Variants in VPS13B observed in about 807,000 individuals in gnomAD.
VPS13B encodes the protein intermembrane lipid transfer protein VPS13B.
In VPS13B, 285 loss-of-function variants were observed where a neutral mutation model predicts 426.4. The observed-to-expected ratio is 0.67, with a 90% confidence interval of 0.61 to 0.74. The LOEUF (loss-of-function observed/expected upper bound fraction) is 0.74, where lower values mean the gene tolerates loss of function less well. Among genes scored for constraint, VPS13B ranks in the 30% least tolerant of loss-of-function variants. VPS13B has a pLI of 0.00. For synonymous variants in VPS13B, 1,676 were observed against 1,676.4 expected, an observed-to-expected ratio of 1.00 and a Z score of 0.01; for missense variants, 4,537 against 4,782.6, an observed-to-expected ratio of 0.95 and a Z score of 1.51.
At chr8:99,537,967 C>T (rs1823348032) in intron 30 of VPS13B, among the ~76,000 whole-genome samples, 2 of 152,100 alleles carry the variant, frequency 1.3e-5, no homozygotes, top group South Asian at 2.1e-4. Flanking sequence ...ATTGGAAAAT[C>T]GACCTAGTGA....
At chr8:99,462,555 T>C (rs926317325) in intron 23 of VPS13B, among the ~76,000 whole-genome samples, 1 of 152,202 alleles carries the variant, frequency 6.6e-6, no homozygotes, top group Non-Finnish European at 1.5e-5. Context: ...CATCTTTCAC[T>C]GATAGTTTAC....
intron 39 of VPS13B, among the ~76,000 whole-genome samples, chr8:99,725,165 A>G (rs2130368617): frequency 1.3e-5 from 2 of 152,188 alleles, no homozygotes; most frequent in East Asian, 3.9e-4. Flanking sequence ...CTTTTATGCT[A>G]TTTTTCACTG....
intron 23 of VPS13B, among the ~76,000 whole-genome samples, chr8:99,460,516 C>A (rs1818767714): frequency 6.6e-6 from 1 of 152,080 alleles, no homozygotes; most frequent in Non-Finnish European, 1.5e-5. Flanking sequence ...TCTGTAGAGT[C>A]TTTCATATAA....
At position 99,326,452 on chromosome 8, in the gene VPS13B, C is replaced by CTTTTTTTTTTTTTTTTTTT. The variant is rs747097247; in HGVS notation, c.2824+51210_2824+51228dup. 2.9e-3 allele frequency among the ~76,000 whole-genome samples: 95 copies of CTTTTTTTTTTTTTTTTTTT among 32,524 alleles called. 35 individuals are homozygous for CTTTTTTTTTTTTTTTTTTT. The highest frequency in any genetic ancestry group is 3.3e-3 in the Non-Finnish European group (64 of 19,166). The allele number at this position is 32,524 out of a possible 152,430, so 21.3% of individuals were successfully genotyped here. On this transcript the variant is annotated intron_variant, in intron 19 of 61. Transcript: ENST00000357162. ...ATTTCTATCTATCATCTCTAGGTAG[C>CTTTTTTTTTTTTTTTTTTT]TTTTTTTTTTTTTTTTTTTTTTTTT... is the stretch of plus-strand genomic sequence containing the variant.
chr8:99,550,571 T>C (rs937679765), intron 30 of VPS13B, among the ~76,000 whole-genome samples: 16 of 151,990 alleles, frequency 1.1e-4, no homozygotes, highest in African/African-American at 3.9e-4. Flanking sequence ...AATTTGTCTA[T>C]TTTTGGCTTT....
chr8:99,224,439 A>G (rs536611927), intron 17 of VPS13B, among the ~76,000 whole-genome samples: 2 of 152,326 alleles, frequency 1.3e-5, no homozygotes, highest in African/African-American at 4.8e-5. Context: ...AAACAACCAG[A>G]TAATTTTTAG....
chr8:99,544,177 G>A (rs369133028), intron 30 of VPS13B, among the ~76,000 whole-genome samples: 13 of 152,038 alleles, frequency 8.6e-5, no homozygotes, highest in Non-Finnish European at 1.9e-4. Flanking sequence ...CATGGATGAA[G>A]CTGGAAACCA....
chr8:99,278,797 T>C (rs1819023450), intron 19 of VPS13B, among the ~76,000 whole-genome samples: 1 of 152,228 alleles, frequency 6.6e-6, no homozygotes, highest in South Asian at 2.1e-4. Flanking sequence ...TTCTTTGTCT[T>C]TGAAGTCTCA....
chr8:99,779,117 C>A, intron 42 of VPS13B, 86 bp downstream of exon 42: 1 of 1,243,826 alleles, frequency 8.0e-7, no homozygotes, highest in Non-Finnish European at 1.2e-6. Flanking sequence ...ATAATAAGTT[C>A]AACACAAACA....
intron 21 of VPS13B, among the ~76,000 whole-genome samples, chr8:99,417,939 C>G (rs528055485): frequency 6.6e-6 from 1 of 152,086 alleles, no homozygotes. Flanking sequence ...GATCACATAT[C>G]TTGAATTGGT....
chr8:99,773,620 A>C (rs1811616079), intron 40 of VPS13B, among the ~76,000 whole-genome samples: 1 of 152,216 alleles, frequency 6.6e-6, no homozygotes, highest in African/African-American at 2.4e-5. Flanking sequence ...TATTTCCACT[A>C]TCCTAAAAAC....
intron 44 of VPS13B, among the ~76,000 whole-genome samples, chr8:99,811,072 T>G (rs1298750620): frequency 2.0e-5 from 3 of 152,204 alleles, no homozygotes; most frequent in Non-Finnish European, 4.4e-5. Context: ...CTGTCACTCA[T>G]GGTCTTTCAA....
At chr8:99,382,366 G>T in intron 19 of VPS13B, among the ~76,000 whole-genome samples, 1 of 152,148 alleles carries the variant, frequency 6.6e-6, no homozygotes, top group East Asian at 1.9e-4. Context: ...TGTGAAGAGT[G>T]TCATTGGTAG....
At chr8:99,020,271 T>C (rs1269711821) in intron 2 of VPS13B, among the ~76,000 whole-genome samples, 1 of 152,212 alleles carries the variant, frequency 6.6e-6, no homozygotes, top group Non-Finnish European at 1.5e-5. Flanking sequence ...TTATTAGCTA[T>C]GTTTGTCTTC....
intron 19 of VPS13B, among the ~76,000 whole-genome samples, chr8:99,287,208 A>ATG (rs1398759795): frequency 8.0e-5 from 12 of 150,920 alleles, no homozygotes; most frequent in African/African-American, 2.2e-4. Flanking sequence ...AAGGAGATAT[A>ATG]TGTGTGTGTG....
intron 17 of VPS13B, among the ~76,000 whole-genome samples, chr8:99,242,132 C>T (rs2132889800): frequency 6.6e-6 from 1 of 152,268 alleles, no homozygotes; most frequent in East Asian, 1.9e-4. Flanking sequence ...AGGCGTCCGC[C>T]ACCATGGCCA....
chr8:99,102,062 TC>T (rs1379691309), intron 4 of VPS13B, among the ~76,000 whole-genome samples: 23 of 152,156 alleles, frequency 1.5e-4, no homozygotes, highest in Admixed American at 1.5e-3. Flanking sequence ...CAATAATGTA[TC>T]CATGTACACA....
chr8:99,711,905 C>T (rs912212935), intron 36 of VPS13B, among the ~76,000 whole-genome samples: 6 of 152,052 alleles, frequency 3.9e-5, no homozygotes, highest in Admixed American at 3.3e-4. Flanking sequence ...TTGAAGGTGA[C>T]CCAGGATATG....
chr8:99,033,953 G>A (rs1244732052), intron 2 of VPS13B, among the ~76,000 whole-genome samples: 2 of 152,112 alleles, frequency 1.3e-5, no homozygotes, highest in Non-Finnish European at 2.9e-5. Flanking sequence ...ATTTGGAATT[G>A]ATGTTTTGAA....
Sources: allele counts gnomAD v4.1 joint callset (sites outside exome capture counted in the v4.1 genomes callset), GRCh38; gene constraint gnomAD v4.1.1; transcripts MANE v1.5; gene names NCBI Gene and HGNC (gene_info 2026-07-23, HGNC 2026-07-21).